CNTN5: variants seen among roughly 807,000 people sequenced by gnomAD.
The protein encoded by CNTN5 is contactin-5.
Under a neutral mutation model 129.1 loss-of-function variants are expected in CNTN5, and 77 were observed. That is an observed-to-expected ratio of 0.60 (90% CI 0.50 to 0.72). The LOEUF is 0.72. Ranked by LOEUF, CNTN5 falls within the 30% of genes least tolerant of loss-of-function variation. The pLI is 0.00. For synonymous variants in CNTN5, 509 were observed against 465.6 expected (o/e 1.09, Z -1.20); for missense variants, 1,478 against 1,328.8 (o/e 1.11, Z -1.75).
chr11:100,066,012 T>A (rs1197330959), intron 10 of CNTN5, among the ~76,000 whole-genome samples: 1 of 152,130 alleles, frequency 6.6e-6, no homozygotes, highest in Non-Finnish European at 1.5e-5. Flanking sequence ...AATCCTGTTT[T>A]ATGGAGAAAA....
At chr11:100,016,950 AC>A (rs1940854833) in intron 9 of CNTN5, among the ~76,000 whole-genome samples, 1 of 151,680 alleles carries the variant, frequency 6.6e-6, no homozygotes, top group South Asian at 2.1e-4. Flanking sequence ...GGTCTGAAAA[AC>A]ATAATTCTCA....
At chr11:99,763,063 T>A (rs1446424238) in intron 3 of CNTN5, among the ~76,000 whole-genome samples, 1 of 152,140 alleles carries the variant, frequency 6.6e-6, no homozygotes, top group African/African-American at 2.4e-5. Flanking sequence ...ACTGCTACGA[T>A]TTTCCATCTC....
At chr11:100,294,419 C>T (rs1164015803) in intron 18 of CNTN5, among the ~76,000 whole-genome samples, 1 of 151,658 alleles carries the variant, frequency 6.6e-6, no homozygotes, top group Admixed American at 6.6e-5. Context: ...CCAGGTAAGA[C>T]TTAAAACAGC....
intron 3 of CNTN5, among the ~76,000 whole-genome samples, chr11:99,817,687 G>T (rs574193188): frequency 7.2e-6 from 1 of 139,688 alleles, no homozygotes; most frequent in Non-Finnish European, 1.5e-5. Context: ...AAATGAATAC[G>T]TTCAGAAACT....
intron 1 of CNTN5, among the ~76,000 whole-genome samples, chr11:99,192,666 C>G (rs897088633): frequency 2.0e-5 from 3 of 151,912 alleles, no homozygotes; most frequent in African/African-American, 7.2e-5. Flanking sequence ...ACTGAACATG[C>G]TACAAACAAA....
rs61042118 is a variant in CNTN5 at position 100,072,990 on chromosome 11, C to CAAAAAAAAA, written c.1430-1141_1430-1133dup. ...TTTTGTAAATTCTATTCCCAGGAGG[C>CAAAAAAAAA]AAAAAAAAAAAAAAAAAAAAAGTTA... is the stretch of plus-strand genomic sequence containing the variant. On this transcript the variant is annotated intron_variant, in intron 12 of 24. Coordinates refer to ENST00000524871, the MANE Select transcript of CNTN5 (RefSeq NM_014361.4). Among the ~76,000 whole-genome samples, 154 of 79,056 alleles carry CAAAAAAAAA rather than the reference C, an allele frequency of 1.9e-3. 13 individuals carry two copies. The highest frequency in any genetic ancestry group is 7.7e-3 in the African/African-American group (127 of 16,510). 51.9% of individuals were successfully genotyped at this position (79,056 alleles called of 152,430 possible).
At chr11:99,289,295 A>C (rs1036724505) in intron 1 of CNTN5, among the ~76,000 whole-genome samples, 1 of 151,812 alleles carries the variant, frequency 6.6e-6, no homozygotes, top group Admixed American at 6.6e-5. Context: ...CCATTTAAAT[A>C]GTCACAAAAC....
At chr11:99,132,812 G>A (rs1859014232) in intron 1 of CNTN5, among the ~76,000 whole-genome samples, 1 of 152,138 alleles carries the variant, frequency 6.6e-6, no homozygotes, top group African/African-American at 2.4e-5. Context: ...TCAGTATCAT[G>A]AAAATTGTCA....
intron 7 of CNTN5, among the ~76,000 whole-genome samples, chr11:99,950,319 A>C (rs1950642620): frequency 6.6e-6 from 1 of 151,996 alleles, no homozygotes. Context: ...TCTACTAAAA[A>C]TACAAAAAAA....
intron 13 of CNTN5, among the ~76,000 whole-genome samples, chr11:100,142,441 A>C (rs939798902): frequency 6.6e-6 from 1 of 152,156 alleles, no homozygotes. Flanking sequence ...CTAATCTGAA[A>C]ATCCAAACAT....
intron 3 of CNTN5, among the ~76,000 whole-genome samples, chr11:99,646,333 T>C (rs1565384865): frequency 6.6e-6 from 1 of 152,220 alleles, no homozygotes; most frequent in South Asian, 2.1e-4. Flanking sequence ...TTGTTTTCCC[T>C]TTTTTGCTAT....
In CNTN5 at chr11:99,347,127, A is replaced by G. The variant is rs145977179; in HGVS notation, c.-71+21643A>G. ...AGAGTTTTTACATCTTTGGCTTAAT[A>G]TCCCTGATTCCTTCAAGTAGTCCTT... On this transcript the variant is annotated intron_variant, in intron 2 of 24. Coordinates refer to ENST00000524871, the MANE Select transcript of CNTN5 (RefSeq NM_014361.4). 1.1e-4 allele frequency among the ~76,000 whole-genome samples: 16 copies of G among 152,314 alleles called. No homozygotes were observed. In the East Asian group the frequency reaches 2.9e-3, roughly 28 times the overall value.
rs1042385963 is a variant in CNTN5, at chr11:99,201,988, C to T, written c.-209-123358C>T. Among the ~76,000 whole-genome samples, 6 of 152,086 alleles carry T rather than the reference C, an allele frequency of 3.9e-5. No homozygotes were observed. The East Asian group carries it at 1.2e-3, about 29-fold the overall frequency. On this transcript the variant is annotated intron_variant, in intron 1 of 24. Coordinates refer to ENST00000524871, the MANE Select transcript of CNTN5 (RefSeq NM_014361.4). ...CAGGGAACTAATATATCAATGCATG[C>T]GTGTTTTGCACAAATATGTCATTCG...
chr11:99,194,184 A>T (rs1289691357), intron 1 of CNTN5, among the ~76,000 whole-genome samples: 3 of 152,266 alleles, frequency 2.0e-5, no homozygotes, highest in South Asian at 4.2e-4. Flanking sequence ...GCATAGATAA[A>T]TTTTTTCAGA....
intron 3 of CNTN5, among the ~76,000 whole-genome samples, chr11:99,579,355 A>C (rs1949486947): frequency 1.3e-5 from 2 of 151,516 alleles, no homozygotes; most frequent in Middle Eastern, 3.4e-3. Context: ...AGTTTTTTCC[A>C]ATTCTGTGAA....
chr11:100,126,383 C>CA (rs1373927430), intron 13 of CNTN5, among the ~76,000 whole-genome samples: 5 of 152,100 alleles, frequency 3.3e-5, no homozygotes, highest in Admixed American at 2.6e-4. Flanking sequence ...GTAATACCGT[C>CA]AGTTGGTCCC....
chr11:100,335,628 C>T (rs188894068), intron 21 of CNTN5, among the ~76,000 whole-genome samples: 49 of 152,094 alleles, frequency 3.2e-4, no homozygotes, highest in African/African-American at 8.0e-4. Flanking sequence ...ATTAGCCAGG[C>T]GTGGTGGTAG....
At chr11:100,308,911 T>G in intron 21 of CNTN5, 1 of 981,286 alleles carries the variant, frequency 1.0e-6, no homozygotes, top group Non-Finnish European at 1.2e-6. Flanking sequence ...TGTATCTATG[T>G]ATTCAGATAG....
At chr11:99,147,447 A>G (rs1309354091) in intron 1 of CNTN5, among the ~76,000 whole-genome samples, 1 of 152,200 alleles carries the variant, frequency 6.6e-6, no homozygotes, top group Non-Finnish European at 1.5e-5. Flanking sequence ...AAAGCTCCAT[A>G]TATTTTAGTT....
Sources: gnomAD v4.1 joint callset for allele counts (sites outside exome capture counted in the v4.1 genomes callset) on GRCh38, gnomAD v4.1.1 for gene constraint, MANE v1.5 for transcripts, NCBI Gene and HGNC (gene_info 2026-07-23, HGNC 2026-07-21) for gene names.